The following MTFR1 variants were observed in gnomAD, a reference collection of about 807,000 sequenced individuals.
MTFR1 encodes chondrocyte protein with a poly-proline region.
MTFR1 carries 28 observed loss-of-function variants against 38.8 expected under a neutral mutation model. That is an observed-to-expected ratio of 0.72 (90% CI 0.53 to 0.99). The LOEUF (loss-of-function observed/expected upper bound fraction) is 0.99, where lower values mean the gene tolerates loss of function less well. Among genes scored for constraint, MTFR1 ranks in the 50% least tolerant of loss-of-function variants. The probability of loss-of-function intolerance (pLI) is 0.00; values close to 1 mark genes in which losing one functional copy is unlikely to be tolerated. For missense variants in MTFR1, 358 were observed against 395.5 expected, an observed-to-expected ratio of 0.91 and a Z score of 0.81; for synonymous variants, 145 against 137.0, an observed-to-expected ratio of 1.06 and a Z score of -0.41.
At chr8:65,723,708 T>G in intron 3 of MTFR1, 1 of 935,752 alleles carries the variant, frequency 1.1e-6, no homozygotes, top group Non-Finnish European at 1.5e-6. Context: ...CCTGTGCATT[T>G]CTTAGGAAAA....
At chr8:65,663,663 G>C (rs1054997939) in intron 1 of MTFR1, among the ~76,000 whole-genome samples, 4 of 151,650 alleles carry the variant, frequency 2.6e-5, no homozygotes, top group Non-Finnish European at 5.9e-5. Context: ...AATTATTACT[G>C]ACAAAGATGT....
chr8:65,742,710 G>T (rs1018078943), intron 3 of MTFR1, among the ~76,000 whole-genome samples: 1 of 152,146 alleles, frequency 6.6e-6, no homozygotes. Flanking sequence ...CTGCCCATTT[G>T]TTCCCCAATA....
At chr8:65,774,297 T>A (rs1156348344), downstream of MTFR1, among the ~76,000 whole-genome samples, 3 of 144,264 alleles carry the variant, frequency 2.1e-5, no homozygotes, top group Non-Finnish European at 3.0e-5. Flanking sequence ...AGATTTTTTG[T>A]ACTGACATTT....
chr8:65,679,714 G>A (rs1563444741), intron 2 of MTFR1: 1 of 152,024 alleles, frequency 6.6e-6, no homozygotes, highest in East Asian at 1.9e-4. Flanking sequence ...TTTTTGGTGG[G>A]TAGTCTGATG....
chr8:65,671,051 T>C (rs2129051363), intron 2 of MTFR1, among the ~76,000 whole-genome samples: 1 of 152,310 alleles, frequency 6.6e-6, no homozygotes, highest in South Asian at 2.1e-4. Context: ...GCCTGAACTT[T>C]GAATCTCCCC....
Position 65,717,195 on chromosome 8 carries a change from A to G in MTFR1, c.382-2185A>G, listed in dbSNP as rs374816586. ...TGGATTCTGTTTCTATTGGACATCA[A>G]CACTCTTCTGTACAAATAATATGTT... On this transcript the variant is annotated intron_variant, in intron 2 of 3. Coordinates refer to the MTFR1 transcript ENST00000521247. Among the ~76,000 whole-genome samples, 10 of 152,214 alleles carry G rather than the reference A, an allele frequency of 6.6e-5. No individual in the cohort carries two copies. The East Asian group carries it at 7.7e-4, about 12-fold the overall frequency.
At chr8:65,716,446 G>C (rs1002042275) in intron 2 of MTFR1, among the ~76,000 whole-genome samples, 6 of 152,122 alleles carry the variant, frequency 3.9e-5, no homozygotes, top group African/African-American at 1.4e-4. Context: ...ATGTAGAGAA[G>C]CAACTACTGG....
chr8:65,694,256 G>A (rs1482657345), intron 4 of MTFR1, among the ~76,000 whole-genome samples: 2 of 151,824 alleles, frequency 1.3e-5, no homozygotes, highest in African/African-American at 2.4e-5. Context: ...TGTATTTTTA[G>A]TAGAGATGGG....
rs201556776 is a variant in MTFR1 at position 65,704,841 on chromosome 8, G to T, written c.429G>T (p.Lys143Asn). Residue 143 changes from lysine (K) to asparagine (N), a missense_variant, in exon 5 of 8, where the codon AAG becomes AAT. Physicochemically the swap from Lys to Asn is moderately conservative, Grantham distance 94. Transcript: ENST00000262146. ...TGGCAAATGAGGAAGCACTGCAGAA[G>T]ATTTGCGCTCTCGAAAATGAACTTG... is the stretch of plus-strand genomic sequence containing the variant. ...PALANEEALQ[K>N]ICALENELAA... The T allele has an allele frequency of 1.2e-6, 2 of 1,614,128 alleles. No homozygotes were observed. The highest frequency in any genetic ancestry group is 1.7e-6 in the Non-Finnish European group (2 of 1,180,016).
chr8:65,704,116 G>C (rs1036894719), intron 4 of MTFR1, among the ~76,000 whole-genome samples: 1 of 152,116 alleles, frequency 6.6e-6, no homozygotes, highest in East Asian at 1.9e-4. Context: ...TTTCACATAA[G>C]GAAATGCTGA....
At chr8:65,768,228 T>C (rs1191788570) in intron 3 of MTFR1, among the ~76,000 whole-genome samples, 1 of 152,222 alleles carries the variant, frequency 6.6e-6, no homozygotes, top group African/African-American at 2.4e-5. Flanking sequence ...ACAGTATCTT[T>C]AATGAGCTAA....
intron 3 of MTFR1, among the ~76,000 whole-genome samples, chr8:65,766,192 C>T (rs1231372744): frequency 2.0e-4 from 31 of 152,232 alleles, no homozygotes; most frequent in Non-Finnish European, 2.9e-5. Context: ...GTGATCCACC[C>T]GCCTTGGCCT....
At chr8:65,708,196 AT>A in intron 7 of MTFR1, 185 bp downstream of exon 7, 1 of 1,176,602 alleles carries the variant, frequency 8.5e-7, no homozygotes. Flanking sequence ...TTTGCTTAGC[AT>A]TTACACTTTT....
chr8:65,685,004 CA>C (rs36119251), intron 3 of MTFR1, among the ~76,000 whole-genome samples: 1 of 152,000 alleles, frequency 6.6e-6, no homozygotes, highest in Non-Finnish European at 1.5e-5. Context: ...AACTCTGTCT[CA>C]AAAAAATAAA....
intron 2 of MTFR1, among the ~76,000 whole-genome samples, chr8:65,677,671 C>T (rs927436222): frequency 1.3e-5 from 2 of 151,628 alleles, no homozygotes; most frequent in Non-Finnish European, 2.9e-5. Context: ...TGAGCCACCA[C>T]GCCCAGCCAG....
At chr8:65,676,925 C>T (rs900940467) in intron 2 of MTFR1, among the ~76,000 whole-genome samples, 7 of 152,142 alleles carry the variant, frequency 4.6e-5, no homozygotes, top group Admixed American at 2.6e-4. Flanking sequence ...CACTTTCAAA[C>T]ACTGTTGCTA....
intron 3 of MTFR1, chr8:65,745,507 T>C (rs1227880482): frequency 8.9e-7 from 1 of 1,129,742 alleles, no homozygotes; most frequent in South Asian, 1.2e-5. Context: ...TGTAATTTAA[T>C]TTCAATAACA....
At chr8:65,728,026 A>G (rs1013684507) in intron 3 of MTFR1, 2 of 152,224 alleles carry the variant, frequency 1.3e-5, no homozygotes, top group Non-Finnish European at 2.9e-5. Flanking sequence ...CACCTTGACT[A>G]TATCATCTGC....
At chr8:65,702,443 GCACC>G (rs1805645446) in intron 4 of MTFR1, among the ~76,000 whole-genome samples, 2 of 151,690 alleles carry the variant, frequency 1.3e-5, no homozygotes, top group African/African-American at 4.8e-5. Context: ...GGTATTACAG[GCACC>G]CGCCAACACA....
Sources: allele counts gnomAD v4.1 joint callset (sites outside exome capture counted in the v4.1 genomes callset), GRCh38; gene constraint gnomAD v4.1.1; transcripts MANE v1.5; gene names NCBI Gene and HGNC (gene_info 2026-07-23, HGNC 2026-07-21).